The following COLEC10 variants were observed in gnomAD, a reference collection of about 807,000 sequenced individuals.
The protein encoded by COLEC10 is collectin-10.
COLEC10 carries 22 observed loss-of-function variants against 28.4 expected under a neutral mutation model. That is an observed-to-expected ratio of 0.78 (90% confidence interval 0.55 to 1.11). The LOEUF is 1.11. COLEC10 is among the 50% of genes least tolerant of loss of function. The probability of loss-of-function intolerance (pLI) is 0.00; values close to 1 mark genes in which losing one functional copy is unlikely to be tolerated. For synonymous variants in COLEC10, 125 were observed against 116.1 expected (o/e 1.08, Z -0.49); for missense variants, 361 against 344.1 (o/e 1.05, Z -0.39).
intron 1 of COLEC10, among the ~76,000 whole-genome samples, chr8:119,006,690 C>T (rs1813805243): frequency 6.6e-6 from 1 of 151,958 alleles, no homozygotes; most frequent in Non-Finnish European, 1.5e-5. Context: ...TCCAGATATT[C>T]CCTGGATATT....
the COLEC10 span, among the ~76,000 whole-genome samples, chr8:118,983,595 G>C: frequency 6.6e-6 from 1 of 152,124 alleles, no homozygotes; most frequent in East Asian, 1.9e-4. Flanking sequence ...GGCTCTTAAA[G>C]CTGTAATCAA....
chr8:119,041,262 C>T (rs998820836), intron 2 of COLEC10, among the ~76,000 whole-genome samples: 3 of 95,962 alleles, frequency 3.1e-5, no homozygotes, highest in Non-Finnish European at 5.9e-5. Context: ...TCTGTTGAAG[C>T]AGTATTTTTT....
intron 2 of COLEC10, among the ~76,000 whole-genome samples, chr8:119,016,459 C>T (rs1304556421): frequency 3.3e-5 from 5 of 152,062 alleles, no homozygotes; most frequent in Non-Finnish European, 7.4e-5. Flanking sequence ...CAAGTCTTCG[C>T]TCTTGTAAAT....
At chr8:119,104,206 C>G (rs955009305) in intron 5 of COLEC10, among the ~76,000 whole-genome samples, 3 of 152,134 alleles carry the variant, frequency 2.0e-5, no homozygotes, top group African/African-American at 7.2e-5. Flanking sequence ...GTAAGAGTCA[C>G]ACAGAACTAG....
chr8:119,002,668 A>G (rs1813723243), intron 1 of COLEC10, among the ~76,000 whole-genome samples: 1 of 152,168 alleles, frequency 6.6e-6, no homozygotes, highest in Non-Finnish European at 1.5e-5. Context: ...AATGCCTTCT[A>G]GCCACTACAA....
chr8:119,090,182 A>G (rs1467041702), intron 2 of COLEC10, among the ~76,000 whole-genome samples: 2 of 152,204 alleles, frequency 1.3e-5, no homozygotes, highest in African/African-American at 4.8e-5. Context: ...CCTTTCCCCA[A>G]GATCTCTTTA....
chr8:119,091,088 T>G, intron 2 of COLEC10, 61 bp from the exon 3 acceptor site: 1 of 1,308,126 alleles, frequency 7.6e-7, no homozygotes, highest in Non-Finnish European at 1.1e-6. Context: ...AATATCACAT[T>G]AGCCACATTT....
intron 2 of COLEC10, among the ~76,000 whole-genome samples, chr8:119,029,423 T>C (rs1463172462): frequency 6.6e-6 from 1 of 152,266 alleles, no homozygotes; most frequent in East Asian, 1.9e-4. Context: ...ATGGGTATTA[T>C]GCTATATGAA....
At chr8:119,091,882 A>G (rs1052831453) in intron 3 of COLEC10, among the ~76,000 whole-genome samples, 4 of 152,210 alleles carry the variant, frequency 2.6e-5, no homozygotes, top group African/African-American at 9.6e-5. Context: ...CTTGTTGGCT[A>G]CAAATCCTTG....
the COLEC10 span, among the ~76,000 whole-genome samples, chr8:118,977,053 C>T: frequency 6.0e-5 from 9 of 150,658 alleles, no homozygotes; most frequent in South Asian, 1.3e-3. Context: ...CAATGAGATA[C>T]CATCTCACAC....
At chr8:118,986,880 G>A in the COLEC10 span, among the ~76,000 whole-genome samples, 156 of 152,292 alleles carry the variant, frequency 1.0e-3, no homozygotes, top group Middle Eastern at 6.8e-3. Flanking sequence ...TTCAGGTATA[G>A]GATGTGGAAG....
chr8:118,961,561 A>C, the COLEC10 span, among the ~76,000 whole-genome samples: 4 of 152,236 alleles, frequency 2.6e-5, no homozygotes, highest in African/African-American at 9.6e-5. Flanking sequence ...TTTTGCTATG[A>C]GACATGTTGC....
intron 2 of COLEC10, among the ~76,000 whole-genome samples, chr8:119,057,599 A>G (rs779526974): frequency 7.2e-5 from 11 of 152,102 alleles, no homozygotes; most frequent in Non-Finnish European, 1.6e-4. Context: ...TTTCTTAAGG[A>G]AAAATTGTGT....
intron 2 of COLEC10, among the ~76,000 whole-genome samples, chr8:119,029,106 C>T (rs967555831): frequency 3.9e-5 from 6 of 152,058 alleles, no homozygotes; most frequent in African/African-American, 1.2e-4. Context: ...TCACTAGCTG[C>T]GGGGAGTCAT....
chr8:119,065,234 G>C (rs1180974210), upstream of COLEC10, among the ~76,000 whole-genome samples: 3 of 152,124 alleles, frequency 2.0e-5, no homozygotes, highest in Non-Finnish European at 2.9e-5. Flanking sequence ...GGGTGAGCCT[G>C]CGAAGTTTCA....
chr8:119,067,042 T>A (rs752087539), upstream of COLEC10, among the ~76,000 whole-genome samples: 9 of 152,166 alleles, frequency 5.9e-5, no homozygotes, highest in Non-Finnish European at 1.2e-4. Flanking sequence ...ACACTGGAGT[T>A]CAGAGATAAT....
chr8:119,101,755 A>G (rs762353929), intron 3 of COLEC10, among the ~76,000 whole-genome samples: 2 of 152,158 alleles, frequency 1.3e-5, no homozygotes, highest in Non-Finnish European at 2.9e-5. Context: ...CAAATAGTAA[A>G]TATTTGTCTA....
chr8:118,982,500 A>G, the COLEC10 span: 1 of 156,416 alleles, frequency 6.4e-6, no homozygotes, highest in Non-Finnish European at 1.4e-5. Context: ...GGAACGGTGC[A>G]CCTACACATC....
chr8:119,048,496 A>G (rs1814622481), intron 2 of COLEC10, among the ~76,000 whole-genome samples: 2 of 152,182 alleles, frequency 1.3e-5, no homozygotes. Context: ...TAGGTGAAGA[A>G]CTTGTATTAT....
Sources: allele counts gnomAD v4.1 joint callset (sites outside exome capture counted in the v4.1 genomes callset), GRCh38; gene constraint gnomAD v4.1.1; transcripts MANE v1.5; gene names NCBI Gene and HGNC (gene_info 2026-07-23, HGNC 2026-07-21).